Variants in MECOM observed in about 807,000 individuals in gnomAD.
The protein encoded by MECOM is histone-lysine N-methyltransferase MECOM.
Under a neutral mutation model 116.3 loss-of-function variants are expected in MECOM, and 13 were observed. The observed-to-expected ratio is 0.11, with a 90% CI of 0.07 to 0.18. MECOM has a LOEUF of 0.18. MECOM is among the 10% of genes least tolerant of loss of function. The pLI, the probability that MECOM is intolerant of heterozygous loss-of-function variation, is 1.00. For synonymous variants in MECOM, 528 were observed against 535.2 expected (o/e 0.99, Z 0.19); for missense variants, 1,299 against 1,509.0 (o/e 0.86, Z 2.31).
At position 169,116,493 on chromosome 3, in the gene MECOM, C is replaced by A; in HGVS notation, c.1379G>T (p.Ser460Ile). ...GTCAGCAAGGCCCGGGTTGGCATGA[C>A]TCATATTAACCATGGACGTTTTATC... Reference protein sequence around the residue: ...AMDKTSMVNMSHANPGLADYF... With the variant: ...AMDKTSMVNMIHANPGLADYF... The change falls in exon 8 of 17, where the codon AGT becomes ATT. Residue 460 changes from serine to isoleucine, a missense_variant. Around this residue, in one of 6 missense-constraint regions of MECOM, gnomAD observed 238 missense variants for 273.1 expected, o/e 0.87. Coordinates refer to ENST00000651503, the MANE Select transcript of MECOM (RefSeq NM_004991.4). The A allele has an allele frequency of 6.2e-7, 1 of 1,614,172 alleles. No homozygotes were observed.
intron 2 of MECOM, among the ~76,000 whole-genome samples, chr3:169,282,563 A>G (rs1712310530): frequency 6.6e-6 from 1 of 152,122 alleles, no homozygotes; most frequent in African/African-American, 2.4e-5. Context: ...GTATTTGTTT[A>G]TTTATTTACT....
At chr3:169,401,787 A>C (rs1202261852) in intron 1 of MECOM, among the ~76,000 whole-genome samples, 1 of 152,264 alleles carries the variant, frequency 6.6e-6, no homozygotes, top group East Asian at 1.9e-4. Flanking sequence ...TAGCATGTGC[A>C]TGAGACTAAG....
chr3:169,398,930 C>T (rs1735431514), intron 1 of MECOM, among the ~76,000 whole-genome samples: 1 of 152,212 alleles, frequency 6.6e-6, no homozygotes, highest in Non-Finnish European at 1.5e-5. Flanking sequence ...GAAACCCTTT[C>T]AGATCCCATT....
intron 1 of MECOM, among the ~76,000 whole-genome samples, chr3:169,419,956 A>G (rs1337041008): frequency 6.6e-6 from 1 of 152,234 alleles, no homozygotes; most frequent in Non-Finnish European, 1.5e-5. Context: ...AAGGATATGA[A>G]CAGACACTTC....
intron 1 of MECOM, among the ~76,000 whole-genome samples, chr3:169,494,177 AG>A (rs1035028051): frequency 6.6e-6 from 1 of 152,018 alleles, no homozygotes. Context: ...ATTTTAAAAC[AG>A]GGGACAATCT....
At chr3:169,157,210 C>T (rs367551182) in intron 2 of MECOM, among the ~76,000 whole-genome samples, 27 of 152,290 alleles carry the variant, frequency 1.8e-4, no homozygotes, top group African/African-American at 6.5e-4. Flanking sequence ...AAGGCTTAGT[C>T]AGGCAATTCT....
chr3:169,493,899 T>A (rs866734664), intron 1 of MECOM, among the ~76,000 whole-genome samples: 10 of 150,574 alleles, frequency 6.6e-5, no homozygotes, highest in Admixed American at 2.0e-4. Flanking sequence ...GTACACACTT[T>A]GAAACAGAAG....
chr3:169,198,027 C>A (rs908840392), intron 2 of MECOM, among the ~76,000 whole-genome samples: 2 of 151,954 alleles, frequency 1.3e-5, no homozygotes, highest in African/African-American at 4.8e-5. Context: ...CAAAATGATA[C>A]AAAGAACACA....
At chr3:169,593,492 T>C (rs1766681869) in intron 1 of MECOM, among the ~76,000 whole-genome samples, 2 of 152,202 alleles carry the variant, frequency 1.3e-5, no homozygotes, top group African/African-American at 4.8e-5. Flanking sequence ...TGTAGCTCAC[T>C]ATGGCCCATG....
At chr3:169,513,904 G>A (rs1405917267) in intron 1 of MECOM, among the ~76,000 whole-genome samples, 1 of 152,038 alleles carries the variant, frequency 6.6e-6, no homozygotes, top group Non-Finnish European at 1.5e-5. Flanking sequence ...TTTTTTTCAG[G>A]AGATCATTTT....
intron 2 of MECOM, among the ~76,000 whole-genome samples, chr3:169,324,182 G>T (rs1323117429): frequency 1.3e-5 from 2 of 152,170 alleles, no homozygotes; most frequent in African/African-American, 2.4e-5. Context: ...ATAGTGCTCT[G>T]TGCTCACACA....
At position 169,140,860 on chromosome 3, in the gene MECOM, C is replaced by G. The variant is rs533656565; in HGVS notation, c.510+2838G>C. ...TAGATTACATCTTTTATCAACTTTA[C>G]TTAAAAACCAAAATCCATGCTGTTT... is the stretch of plus-strand genomic sequence containing the variant. On this transcript the variant is annotated intron_variant, in intron 3 of 16. Coordinates refer to ENST00000651503, the MANE Select transcript of MECOM (RefSeq NM_004991.4). 2.0e-5 allele frequency among the ~76,000 whole-genome samples: 3 copies of G among 152,052 alleles called. No individual in the cohort carries two copies. In the South Asian group the frequency reaches 6.2e-4, roughly 32 times the overall value.
intron 2 of MECOM, among the ~76,000 whole-genome samples, chr3:169,329,247 T>A (rs1318947896): frequency 6.6e-6 from 1 of 152,218 alleles, no homozygotes; most frequent in Non-Finnish European, 1.5e-5. Flanking sequence ...TACATTCTAA[T>A]GATTCAAAAA....
At chr3:169,119,864 C>G (rs774179363) in intron 7 of MECOM, among the ~76,000 whole-genome samples, 28 of 152,030 alleles carry the variant, frequency 1.8e-4, no homozygotes, top group Non-Finnish European at 3.2e-4. Flanking sequence ...TCTGCTAGTC[C>G]TCTTCACCCG....
chr3:169,369,946 T>A (rs888313009), intron 2 of MECOM, among the ~76,000 whole-genome samples: 12 of 152,150 alleles, frequency 7.9e-5, no homozygotes, highest in African/African-American at 2.6e-4. Context: ...TAGCTGGTAG[T>A]CTTCCTCCTC....
At chr3:169,491,976 C>T (rs377009029) in intron 1 of MECOM, among the ~76,000 whole-genome samples, 37 of 152,092 alleles carry the variant, frequency 2.4e-4, no homozygotes, top group African/African-American at 8.2e-4. Context: ...AGGCACAGAC[C>T]ATATTTAAAT....
At position 169,586,489 on chromosome 3, in the gene MECOM, G is replaced by A. The variant is rs192000657; in HGVS notation, c.37+76847C>T. ...TTTACCAACATTAATTTTCACAACC[G>A]TCCTTAAGGAATAGGTGATCACTGA... On this transcript the variant is annotated intron_variant, in intron 1 of 16. Coordinates refer to ENST00000651503, the MANE Select transcript of MECOM (RefSeq NM_004991.4). Among the ~76,000 whole-genome samples, 24 of 152,168 alleles carry A rather than the reference G, an allele frequency of 1.6e-4. No individual in the cohort carries two copies. In the East Asian group the frequency reaches 2.1e-3, roughly 13 times the overall value.
chr3:169,167,120 G>T (rs953278213), intron 2 of MECOM, among the ~76,000 whole-genome samples: 1 of 152,146 alleles, frequency 6.6e-6, no homozygotes, highest in African/African-American at 2.4e-5. Context: ...AACCACAGGT[G>T]CATGCTACCG....
chr3:169,638,702 G>A (rs1236348827), intron 1 of MECOM, among the ~76,000 whole-genome samples: 1 of 152,176 alleles, frequency 6.6e-6, no homozygotes, highest in Non-Finnish European at 1.5e-5. Flanking sequence ...GACATGGTTA[G>A]TTGCCTCCCC....
Sources: allele counts gnomAD v4.1 joint callset (sites outside exome capture counted in the v4.1 genomes callset), GRCh38; gene constraint gnomAD v4.1.1; regional missense constraint gnomAD v4.1.1; transcripts MANE v1.5; gene names NCBI Gene and HGNC (gene_info 2026-07-23, HGNC 2026-07-21).